ENTHD1: variants seen among roughly 807,000 people sequenced by gnomAD.
The protein encoded by ENTHD1 is ENTH domain containing 1, also known as ENTH domain-containing protein 1.
A neutral mutation model predicts 39.1 loss-of-function variants in ENTHD1; 23 were observed. That is an observed-to-expected ratio of 0.59 (90% CI 0.42 to 0.83). The LOEUF (loss-of-function observed/expected upper bound fraction) is 0.83, where lower values mean the gene tolerates loss of function less well. ENTHD1 is among the 40% of genes least tolerant of loss of function. The probability of loss-of-function intolerance (pLI) is 0.00; values close to 1 mark genes in which losing one functional copy is unlikely to be tolerated. For synonymous variants in ENTHD1, 230 were observed against 258.2 expected (o/e 0.89, Z 1.05); for missense variants, 624 against 705.4 (o/e 0.88, Z 1.31).
intron 5 of ENTHD1, among the ~76,000 whole-genome samples, chr22:39,799,921 G>C (rs1411672909): frequency 6.6e-6 from 1 of 152,188 alleles, no homozygotes; most frequent in Admixed American, 6.5e-5. Context: ...AGATGCAGGG[G>C]CTGTTAGGTC....
At chr22:39,807,554 T>C (rs2065652695) in intron 5 of ENTHD1, among the ~76,000 whole-genome samples, 1 of 151,894 alleles carries the variant, frequency 6.6e-6, no homozygotes, top group African/African-American at 2.4e-5. Context: ...CTAAACTTCC[T>C]TCCATTCTCC....
At chr22:39,854,649 A>G (rs1216221444) in intron 3 of ENTHD1, among the ~76,000 whole-genome samples, 2 of 152,194 alleles carry the variant, frequency 1.3e-5, no homozygotes, top group Non-Finnish European at 2.9e-5. Flanking sequence ...GCATCGAAAC[A>G]AAAACCACCC....
At chr22:39,796,656 A>G (rs1438619023) in intron 5 of ENTHD1, among the ~76,000 whole-genome samples, 1 of 152,216 alleles carries the variant, frequency 6.6e-6, no homozygotes, top group Non-Finnish European at 1.5e-5. Context: ...ATTCAGGAGC[A>G]TGTTATTAAA....
chr22:39,831,074 T>C (rs1439406496), intron 4 of ENTHD1, among the ~76,000 whole-genome samples: 1 of 152,198 alleles, frequency 6.6e-6, no homozygotes, highest in African/African-American at 2.4e-5. Context: ...GGCTACAGTG[T>C]CAATTCAAGA....
chr22:39,749,623 GA>G (rs1326342573), intron 6 of ENTHD1, among the ~76,000 whole-genome samples: 1 of 152,234 alleles, frequency 6.6e-6, no homozygotes, highest in Non-Finnish European at 1.5e-5. Flanking sequence ...GTAAAACAGA[GA>G]AGTTTTTGTC....
chr22:39,884,371 G>T (rs1342617263), intron 2 of ENTHD1, among the ~76,000 whole-genome samples: 2 of 151,936 alleles, frequency 1.3e-5, no homozygotes, highest in Admixed American at 6.6e-5. Flanking sequence ...GTAAAGATGG[G>T]GTTTCACCAT....
At chr22:39,838,572 T>C (rs1015262607) in intron 3 of ENTHD1, among the ~76,000 whole-genome samples, 1 of 152,104 alleles carries the variant, frequency 6.6e-6, no homozygotes, top group African/African-American at 2.4e-5. Flanking sequence ...TGCTTGTAGC[T>C]AGCAATCAGT....
At chr22:39,808,570 T>G (rs974829320) in intron 5 of ENTHD1, among the ~76,000 whole-genome samples, 3 of 152,252 alleles carry the variant, frequency 2.0e-5, no homozygotes, top group South Asian at 4.1e-4. Context: ...TAGATTAGTC[T>G]TCGTTCTCCT....
At chr22:39,876,236 G>T in intron 2 of ENTHD1, 1 of 1,161,858 alleles carries the variant, frequency 8.6e-7, no homozygotes. Context: ...TGATGTATTT[G>T]CAAACATTAA....
At chr22:39,858,848 C>T (rs1204404488) in intron 3 of ENTHD1, among the ~76,000 whole-genome samples, 1 of 152,104 alleles carries the variant, frequency 6.6e-6, no homozygotes, top group Non-Finnish European at 1.5e-5. Context: ...TGCATTAGTC[C>T]CTAACAAGAG....
intron 3 of ENTHD1, among the ~76,000 whole-genome samples, chr22:39,839,952 C>T: frequency 6.6e-6 from 1 of 152,116 alleles, no homozygotes; most frequent in East Asian, 1.9e-4. Context: ...AGAAAGAAAG[C>T]AATTAGAATA....
intron 3 of ENTHD1, among the ~76,000 whole-genome samples, chr22:39,851,756 A>T (rs1251790933): frequency 6.6e-6 from 1 of 152,240 alleles, no homozygotes; most frequent in Admixed American, 6.5e-5. Flanking sequence ...CACAGGCAGA[A>T]TGCCAAGTCA....
At chr22:39,866,972 G>C (rs1348645535) in intron 2 of ENTHD1, among the ~76,000 whole-genome samples, 1 of 151,566 alleles carries the variant, frequency 6.6e-6, no homozygotes. Flanking sequence ...GCACGATCTC[G>C]GCCCACCGCC....
intron 3 of ENTHD1, among the ~76,000 whole-genome samples, chr22:39,855,611 GA>G (rs1310291530): frequency 1.3e-5 from 2 of 149,366 alleles, no homozygotes; most frequent in Non-Finnish European, 3.0e-5. Flanking sequence ...AAAGAAGAAA[GA>G]AAAAAAAGGG....
chr22:39,808,805 T>G (rs1165993243), intron 5 of ENTHD1, among the ~76,000 whole-genome samples: 1 of 152,262 alleles, frequency 6.6e-6, no homozygotes, highest in Non-Finnish European at 1.5e-5. Flanking sequence ...GGTCTTTTAA[T>G]TGACTTCTAC....
At chr22:39,876,925 AG>A (rs2066295145) in intron 2 of ENTHD1, among the ~76,000 whole-genome samples, 1 of 152,242 alleles carries the variant, frequency 6.6e-6, no homozygotes. Context: ...ACTAAGTGCT[AG>A]GAACACTGTT....
At chr22:39,811,766 T>TC (rs1214198531) in intron 5 of ENTHD1, among the ~76,000 whole-genome samples, 5 of 151,704 alleles carry the variant, frequency 3.3e-5, no homozygotes, top group African/African-American at 7.3e-5. Flanking sequence ...GATCACAAGG[T>TC]CAGGAGATCC....
chr22:39,781,116 A>G (rs1435325230), intron 5 of ENTHD1, among the ~76,000 whole-genome samples: 2 of 152,214 alleles, frequency 1.3e-5, no homozygotes, highest in Non-Finnish European at 2.9e-5. Context: ...CAGAAAATCA[A>G]CAAAGAAACA....
chr22:39,812,475 T>A (rs1465282167), intron 5 of ENTHD1, among the ~76,000 whole-genome samples: 1 of 152,232 alleles, frequency 6.6e-6, no homozygotes, highest in East Asian at 1.9e-4. Context: ...TTTATTTCAC[T>A]ATAAATGCTT....
Sources: gnomAD v4.1 joint callset for allele counts (sites outside exome capture counted in the v4.1 genomes callset) on GRCh38, gnomAD v4.1.1 for gene constraint, MANE v1.5 for transcripts, NCBI Gene and HGNC (gene_info 2026-07-23, HGNC 2026-07-21) for gene names.